Variants in SGMS1 observed in about 807,000 individuals in gnomAD.
SGMS1 encodes sphingomyelin synthase 1.
Under a neutral mutation model 46.2 loss-of-function variants are expected in SGMS1, and 13 were observed. That is an observed-to-expected ratio of 0.28 (90% CI 0.18 to 0.45). SGMS1 has a LOEUF of 0.45. Among genes scored for constraint, SGMS1 ranks in the 20% least tolerant of loss-of-function variants. SGMS1 has a pLI of 1.00. For missense variants in SGMS1, 324 were observed against 519.9 expected (o/e 0.62, Z 3.66); for synonymous variants, 203 against 187.8 (o/e 1.08, Z -0.66).
Position 50,307,068 on chromosome 10 carries a change from T to TA in SGMS1, c.*73dup. The TA allele has an allele frequency of 6.9e-7, 1 of 1,450,092 alleles. No homozygotes were observed. Among genetic ancestry groups the TA allele is most frequent in the Non-Finnish European group, 9.4e-7 (1 of 1,061,264 alleles). 89.8% of individuals were successfully genotyped at this position (1,450,092 alleles called of 1,614,324 possible). On this transcript the variant is annotated 3_prime_UTR_variant, in exon 11 of 11. Coordinates refer to ENST00000361781, the MANE Select transcript of SGMS1 (RefSeq NM_147156.4). This position sits in a 1 kb window ranked among gnomAD's most constrained non-coding sequence, Gnocchi z 4.2. ...AAGATAATAGGATTAGGGAGGTGTT[T>TA]ATTTTATGGCATCTTCTCTCATGGA... is the stretch of plus-strand genomic sequence containing the variant.
intron 3 of SGMS1, among the ~76,000 whole-genome samples, chr10:50,495,056 A>C (rs917302168): frequency 1.3e-5 from 1 of 79,976 alleles, no homozygotes; most frequent in Non-Finnish European, 2.9e-5. Flanking sequence ...ATAAAATAAA[A>C]AAAAATACAA....
At chr10:50,512,318 C>A (rs1270033049) in intron 3 of SGMS1, among the ~76,000 whole-genome samples, 1 of 151,914 alleles carries the variant, frequency 6.6e-6, no homozygotes, top group Non-Finnish European at 1.5e-5. Context: ...CCAGACATAC[C>A]CTGAAGCAGA....
At chr10:50,411,432 G>A (rs892635601) in intron 6 of SGMS1, among the ~76,000 whole-genome samples, 1 of 152,196 alleles carries the variant, frequency 6.6e-6, no homozygotes, top group Non-Finnish European at 1.5e-5. Flanking sequence ...CTCAGCACAA[G>A]TCTAGAACTT....
At chr10:50,406,704 C>CTTTTTTTT (rs11424535) in intron 6 of SGMS1, among the ~76,000 whole-genome samples, 9 of 145,034 alleles carry the variant, frequency 6.2e-5, no homozygotes, top group South Asian at 2.2e-4. Context: ...AGCTATAATT[C>CTTTTTTTT]TTTTTTTTTT....
intron 3 of SGMS1, among the ~76,000 whole-genome samples, chr10:50,497,340 T>G (rs139044767): frequency 6.6e-6 from 1 of 152,334 alleles, no homozygotes; most frequent in East Asian, 1.9e-4. Flanking sequence ...TGAGGACTCA[T>G]CTTTTCAAGA....
chr10:50,407,594 C>T (rs1398000410), intron 6 of SGMS1, among the ~76,000 whole-genome samples: 2 of 152,044 alleles, frequency 1.3e-5, no homozygotes, highest in African/African-American at 4.8e-5. Flanking sequence ...ATTGCATCAC[C>T]TGTGGAAGTA....
At chr10:50,495,071 TA>T (rs1239692935) in intron 3 of SGMS1, among the ~76,000 whole-genome samples, 2 of 44,752 alleles carry the variant, frequency 4.5e-5, no homozygotes, top group Non-Finnish European at 1.2e-4. Context: ...ATACAAAAAA[TA>T]CAAAAAAAAA....
chr10:50,566,765 A>T (rs747421360), intron 2 of SGMS1, among the ~76,000 whole-genome samples: 9 of 152,234 alleles, frequency 5.9e-5, no homozygotes, highest in Non-Finnish European at 1.0e-4. Context: ...CCTGGCAGAC[A>T]CAAAATCTAC....
rs141837660 is a variant in SGMS1 at position 50,542,229 on chromosome 10, C to T, written c.-588-22308G>A. Among the ~76,000 whole-genome samples, 864 of 152,232 alleles carry T rather than the reference C, an allele frequency of 5.7e-3. 2 individuals are homozygous for T. Among genetic ancestry groups the T allele is most frequent in the Non-Finnish European group, 8.5e-3 (581 of 67,988 alleles). Reference sequence around the variant, plus strand: ...TTCTACGGCATAAAATACATGGAAACAAAATTTTCCAGGTTCTATGTCTCA... The same window carrying T: ...TTCTACGGCATAAAATACATGGAAATAAAATTTTCCAGGTTCTATGTCTCA... On this transcript the variant is annotated intron_variant, in intron 2 of 10. Transcript: ENST00000361781.
intron 3 of SGMS1, among the ~76,000 whole-genome samples, chr10:50,508,652 A>G (rs1443010194): frequency 6.6e-6 from 1 of 152,152 alleles, no homozygotes; most frequent in Non-Finnish European, 1.5e-5. Flanking sequence ...GTGGTTGGAA[A>G]GAACCTCTTT....
intron 1 of SGMS1, among the ~76,000 whole-genome samples, chr10:50,607,225 C>T (rs1838706166): frequency 6.6e-6 from 1 of 151,030 alleles, no homozygotes; most frequent in African/African-American, 2.4e-5. Context: ...TCAAACGATC[C>T]ACCCACCTCG....
intron 4 of SGMS1, among the ~76,000 whole-genome samples, chr10:50,465,601 A>G (rs1423206957): frequency 6.6e-6 from 1 of 152,184 alleles, no homozygotes; most frequent in Non-Finnish European, 1.5e-5. Context: ...AAAAACACAG[A>G]AAGATGGAAA....
rs1210237833 is a variant in SGMS1, at chr10:50,305,855, C to T, written c.*1287G>A. On this transcript the variant is annotated 3_prime_UTR_variant, in exon 11 of 11. Transcript: ENST00000361781. ...TACAGAATGGATATATATACTTCTTCATTCTTAAAAAACTATTTTGTTCTC... is the reference window on the plus strand; with the variant it reads ...TACAGAATGGATATATATACTTCTTTATTCTTAAAAAACTATTTTGTTCTC... The T allele has an allele frequency of 6.5e-6, 1 of 152,684 alleles. No homozygotes were observed. Among genetic ancestry groups the T allele is most frequent in the African/African-American group, 2.4e-5 (1 of 41,444 alleles). 9.5% of individuals were successfully genotyped at this position (152,684 alleles called of 1,614,324 possible).
chr10:50,486,897 C>T (rs1199778209), intron 3 of SGMS1, among the ~76,000 whole-genome samples: 1 of 152,100 alleles, frequency 6.6e-6, no homozygotes, highest in Non-Finnish European at 1.5e-5. Flanking sequence ...AGTAAAGACA[C>T]AGAATCAACC....
intron 7 of SGMS1, among the ~76,000 whole-genome samples, chr10:50,327,717 C>G (rs1028890381): frequency 6.6e-6 from 1 of 152,128 alleles, no homozygotes; most frequent in Admixed American, 6.6e-5. Flanking sequence ...TTCAGAAAAT[C>G]AGAATGATAT....
intron 6 of SGMS1, among the ~76,000 whole-genome samples, chr10:50,354,680 G>A (rs1441955736): frequency 1.3e-5 from 2 of 152,120 alleles, no homozygotes; most frequent in Non-Finnish European, 2.9e-5. Context: ...GAAAAGTTTT[G>A]CAATCTACTC....
At chr10:50,534,356 G>A (rs1837981292) in intron 2 of SGMS1, among the ~76,000 whole-genome samples, 1 of 152,134 alleles carries the variant, frequency 6.6e-6, no homozygotes, top group South Asian at 2.1e-4. Context: ...TGTGGACATT[G>A]GCTCAATGTC....
intron 5 of SGMS1, among the ~76,000 whole-genome samples, chr10:50,456,934 G>GCGCT (rs1315883722): frequency 7.9e-5 from 12 of 152,196 alleles, no homozygotes; most frequent in African/African-American, 2.2e-4. Context: ...GAAACTTCAA[G>GCGCT]TCAGGTTCAT....
At chr10:50,495,073 C>CCA (rs1837601771) in intron 3 of SGMS1, among the ~76,000 whole-genome samples, 1 of 87,136 alleles carries the variant, frequency 1.1e-5, no homozygotes, top group African/African-American at 4.2e-5. Flanking sequence ...ACAAAAAATA[C>CCA]AAAAAAAAAA....
Sources: gnomAD v4.1 joint callset for allele counts (sites outside exome capture counted in the v4.1 genomes callset) on GRCh38, gnomAD v4.1.1 for gene constraint, Gnocchi (gnomAD v3.1) non-coding constraint, MANE v1.5 for transcripts, NCBI Gene and HGNC (gene_info 2026-07-23, HGNC 2026-07-21) for gene names.